Variants in RERE observed in about 807,000 individuals in gnomAD.
The protein encoded by RERE is arginine-glutamic acid dipeptide repeats protein.
RERE carries 40 observed loss-of-function variants against 146.1 expected under a neutral mutation model. The observed-to-expected ratio is 0.27, with a 90% CI of 0.21 to 0.36. The LOEUF is 0.36. Ranked by LOEUF, RERE falls within the 10% of genes least tolerant of loss-of-function variation. The probability of loss-of-function intolerance (pLI) is 1.00; values close to 1 mark genes in which losing one functional copy is unlikely to be tolerated. For synonymous variants in RERE, 1,003 were observed against 866.0 expected (o/e 1.16, Z -2.78); for missense variants, 1,933 against 2,138.7 (o/e 0.90, Z 1.90).
chr1:8,720,702 G>A (rs1024854466), intron 1 of RERE, among the ~76,000 whole-genome samples: 92 of 152,144 alleles, frequency 6.0e-4, no homozygotes, highest in African/African-American at 2.2e-3. Context: ...CCCAAGAGTA[G>A]ACAAGAAGCA....
At chr1:8,674,709 T>G (rs1638795731) in intron 1 of RERE, among the ~76,000 whole-genome samples, 1 of 152,254 alleles carries the variant, frequency 6.6e-6, no homozygotes. Flanking sequence ...TCAATTTTGT[T>G]GTCAAGGAAA....
chr1:8,653,793 G>A (rs1647769521), intron 2 of RERE, among the ~76,000 whole-genome samples: 1 of 151,482 alleles, frequency 6.6e-6, no homozygotes, highest in African/African-American at 2.4e-5. Flanking sequence ...GTAACTCTGA[G>A]AGATTCTTCA....
At chr1:8,373,693 G>C (rs1001841632) in intron 12 of RERE, among the ~76,000 whole-genome samples, 1 of 152,174 alleles carries the variant, frequency 6.6e-6, no homozygotes, top group Non-Finnish European at 1.5e-5. Context: ...CTGCTGCCGA[G>C]TGCAGTCAGG....
chr1:8,374,986 C>A (rs11121175), intron 12 of RERE, among the ~76,000 whole-genome samples: 34,609 of 151,990 alleles, frequency 0.23, 5,041 homozygotes, highest in East Asian at 0.75. Flanking sequence ...TTCACTCCCC[C>A]ACCACTGGAT....
At chr1:8,456,969 T>C (rs1435132581) in intron 11 of RERE, among the ~76,000 whole-genome samples, 2 of 152,184 alleles carry the variant, frequency 1.3e-5, no homozygotes, top group African/African-American at 4.8e-5. Context: ...TTTTAATCTA[T>C]CCTCCTTCCC....
chr1:8,359,007 T>G, intron 19 of RERE, 91 bp from the exon 20 acceptor site: 1 of 1,430,298 alleles, frequency 7.0e-7, no homozygotes, highest in Non-Finnish European at 9.2e-7. Context: ...GTCCTGCTCC[T>G]GGCCTGCTCT....
Position 8,357,557 on chromosome 1 carries a change from G to A in RERE, c.4339+639C>T, listed in dbSNP as rs1373414775. On this transcript the variant is annotated intron_variant, in intron 20 of 22. Transcript: ENST00000400908. Reference sequence around the variant, plus strand: ...ATGGAGCAGGTGAACCTGCCTCCTCGTAAGCACAGTAGCCACCCCCTGCGC... The same window carrying A: ...ATGGAGCAGGTGAACCTGCCTCCTCATAAGCACAGTAGCCACCCCCTGCGC... Among the ~76,000 whole-genome samples, 5 of 152,166 alleles carry A rather than the reference G, an allele frequency of 3.3e-5. No homozygotes were observed. The East Asian group carries it at 7.7e-4, about 23-fold the overall frequency.
chr1:8,691,003 T>A (rs929705306), intron 1 of RERE, among the ~76,000 whole-genome samples: 20 of 152,238 alleles, frequency 1.3e-4, no homozygotes, highest in Non-Finnish European at 2.2e-4. Context: ...GTTCAAGCAG[T>A]TCTCCTGCCT....
chr1:8,602,306 A>T (rs1468873026), intron 4 of RERE, among the ~76,000 whole-genome samples: 1 of 151,442 alleles, frequency 6.6e-6, no homozygotes, highest in Non-Finnish European at 1.5e-5. Flanking sequence ...CAGGAGAATC[A>T]CTTGAACCTG....
rs1277103844 is a variant in RERE, at chr1:8,524,722, C to T, written c.831-16047G>A. Among the ~76,000 whole-genome samples, 9 of 152,168 alleles carry T rather than the reference C, an allele frequency of 5.9e-5. No homozygotes were observed. The South Asian group carries it at 1.7e-3, about 28-fold the overall frequency. ...CTACTTGGGTAAGAATTCAATTTGT[C>T]CTAAATCTTATTCTGACTGGCTCCC... On this transcript the variant is annotated intron_variant, in intron 7 of 22. Transcript: ENST00000400908.
chr1:8,408,256 A>C (rs1256224383), intron 12 of RERE, among the ~76,000 whole-genome samples: 3 of 152,304 alleles, frequency 2.0e-5, no homozygotes, highest in Admixed American at 1.3e-4. Flanking sequence ...GCTTACGGGA[A>C]ATAAACCTAA....
At chr1:8,405,592 T>C (rs1477059923) in intron 12 of RERE, among the ~76,000 whole-genome samples, 1 of 152,214 alleles carries the variant, frequency 6.6e-6, no homozygotes, top group Non-Finnish European at 1.5e-5. Flanking sequence ...CGGAAGAATA[T>C]GGGCCAAAAC....
intron 10 of RERE, among the ~76,000 whole-genome samples, chr1:8,477,824 C>T (rs1644775417): frequency 6.6e-6 from 1 of 152,088 alleles, no homozygotes; most frequent in African/African-American, 2.4e-5. Context: ...AACAACAGTC[C>T]ACCTAATATT....
chr1:8,434,010 C>G (rs946296719), intron 11 of RERE, among the ~76,000 whole-genome samples: 1 of 152,162 alleles, frequency 6.6e-6, no homozygotes, highest in African/African-American at 2.4e-5. Flanking sequence ...TGAGAAGGAG[C>G]ACTTGGGAAG....
intron 1 of RERE, among the ~76,000 whole-genome samples, chr1:8,679,180 T>A (rs1452295489): frequency 6.6e-6 from 1 of 152,194 alleles, no homozygotes; most frequent in African/African-American, 2.4e-5. Context: ...TAAGCCACTC[T>A]CTTTTAATCA....
At chr1:8,415,307 T>G (rs1014943229) in intron 12 of RERE, among the ~76,000 whole-genome samples, 1 of 152,220 alleles carries the variant, frequency 6.6e-6, no homozygotes, top group Non-Finnish European at 1.5e-5. Context: ...CTATTTAGGC[T>G]TCAAAGTCAT....
chr1:8,621,920 A>G (rs1646921179), intron 3 of RERE, among the ~76,000 whole-genome samples: 1 of 152,348 alleles, frequency 6.6e-6, no homozygotes, highest in African/African-American at 2.4e-5. Context: ...AACTATATTT[A>G]TTCCCAGAGC....
At chr1:8,601,778 A>ACAG (rs1570493975) in intron 4 of RERE, among the ~76,000 whole-genome samples, 1 of 83,198 alleles carries the variant, frequency 1.2e-5, no homozygotes, top group Non-Finnish European at 2.6e-5. Flanking sequence ...CACACACACA[A>ACAG]ACACACACAC....
chr1:8,607,297 C>T (rs1270889965), intron 4 of RERE, among the ~76,000 whole-genome samples: 1 of 150,364 alleles, frequency 6.7e-6, no homozygotes, highest in African/African-American at 2.5e-5. Context: ...GAGGTTGAGG[C>T]TGCAGTGAGC....
Sources: gnomAD v4.1 joint callset for allele counts (sites outside exome capture counted in the v4.1 genomes callset) on GRCh38, gnomAD v4.1.1 for gene constraint, MANE v1.5 for transcripts, NCBI Gene and HGNC (gene_info 2026-07-23, HGNC 2026-07-21) for gene names.